Variants in RUNDC3B observed in about 807,000 individuals in gnomAD.
RUNDC3B encodes the protein RUN domain-containing protein 3B.
A neutral mutation model predicts 58.4 loss-of-function variants in RUNDC3B; 33 were observed. That is an observed-to-expected ratio of 0.56 (90% CI 0.43 to 0.75). RUNDC3B has a LOEUF of 0.75. Among genes scored for constraint, RUNDC3B ranks in the 30% least tolerant of loss-of-function variants. RUNDC3B has a pLI of 0.00. For missense variants in RUNDC3B, 501 were observed against 535.7 expected (o/e 0.94, Z 0.64); for synonymous variants, 193 against 195.2 (o/e 0.99, Z 0.10).
At chr7:87,655,096 G>A (rs182816693) in intron 2 of RUNDC3B, among the ~76,000 whole-genome samples, 146 of 152,164 alleles carry the variant, frequency 9.6e-4, no homozygotes, top group African/African-American at 3.4e-3. Flanking sequence ...ATTTAGAACA[G>A]CCATTACAGA....
intron 6 of RUNDC3B, among the ~76,000 whole-genome samples, chr7:87,761,645 G>A (rs1323778582): frequency 6.6e-6 from 1 of 151,996 alleles, no homozygotes; most frequent in East Asian, 1.9e-4. Context: ...CTTAAAATGG[G>A]ATGAAGCGTT....
At position 87,781,652 on chromosome 7, in the gene RUNDC3B, C is replaced by A. The variant is rs562894663; in HGVS notation, c.956+3697C>A. Among the ~76,000 whole-genome samples the A allele has an allele frequency of 3.9e-5, 6 of 152,078 alleles. No individual in the cohort carries two copies. The South Asian group carries it at 1.2e-3, about 32-fold the overall frequency. On this transcript the variant is annotated intron_variant, in intron 8 of 10. Coordinates refer to ENST00000394654, the MANE Select transcript of RUNDC3B (RefSeq NM_001134405.2). ...AGATGGCTCTTGTTATTTTAAGATACATTCCCTCAAAACCTAGTTTTTTGA... is the reference window on the plus strand; with the variant it reads ...AGATGGCTCTTGTTATTTTAAGATAAATTCCCTCAAAACCTAGTTTTTTGA...
chr7:87,747,255 G>T (rs554078587), intron 6 of RUNDC3B, among the ~76,000 whole-genome samples: 125 of 152,230 alleles, frequency 8.2e-4, no homozygotes, highest in African/African-American at 3.0e-3. Flanking sequence ...TCTGGGTCTA[G>T]CCACTCAGTG....
chr7:87,634,873 C>T (rs1821606409), intron 1 of RUNDC3B, among the ~76,000 whole-genome samples: 2 of 152,088 alleles, frequency 1.3e-5, no homozygotes, highest in South Asian at 2.1e-4. Flanking sequence ...TCTAAGGATT[C>T]TTCATGCTCT....
At chr7:87,776,415 A>G (rs1490656686) in intron 7 of RUNDC3B, among the ~76,000 whole-genome samples, 2 of 152,158 alleles carry the variant, frequency 1.3e-5, no homozygotes, top group Non-Finnish European at 2.9e-5. Context: ...ATCAATATAG[A>G]CAAAACATTT....
chr7:87,825,171 G>A (rs189691067), intron 10 of RUNDC3B, among the ~76,000 whole-genome samples: 58 of 151,810 alleles, frequency 3.8e-4, no homozygotes, highest in African/African-American at 1.1e-3. Flanking sequence ...GCAGTGAGCC[G>A]AAATCACACC....
rs1013259350 is a variant in RUNDC3B, at chr7:87,679,154, G to A, written c.239-21267G>A. On this transcript the variant is annotated intron_variant, in intron 2 of 10. Transcript: ENST00000394654. ...TTCCCCCAGGCTGGAGTGCAGTGGC[G>A]CGATCTTGGCTCACTGCAAGCTCCT... 4.3e-4 allele frequency among the ~76,000 whole-genome samples: 59 copies of A among 137,956 alleles called. 2 individuals carry two copies. The highest frequency in any genetic ancestry group is 2.2e-3 in the Admixed American group (28 of 12,876). The allele number at this position is 137,956 out of a possible 152,430, so 90.5% of individuals were successfully genotyped here. A position where few individuals can be genotyped will look rare whatever the true frequency, so the allele number is the denominator to read the frequency against.
At chr7:87,714,194 G>T (rs897636260) in intron 4 of RUNDC3B, among the ~76,000 whole-genome samples, 3 of 152,128 alleles carry the variant, frequency 2.0e-5, no homozygotes, top group Admixed American at 1.3e-4. Context: ...CAATGCAACG[G>T]GGCTCTCTCT....
intron 4 of RUNDC3B, among the ~76,000 whole-genome samples, chr7:87,716,848 A>G (rs1830581461): frequency 6.6e-6 from 1 of 152,140 alleles, no homozygotes; most frequent in Non-Finnish European, 1.5e-5. Context: ...TACTTCTATG[A>G]TTTTTTAAGA....
intron 7 of RUNDC3B, among the ~76,000 whole-genome samples, chr7:87,776,600 G>A (rs1362473404): frequency 2.0e-5 from 3 of 151,848 alleles, no homozygotes; most frequent in African/African-American, 7.3e-5. Context: ...TAAAGTATTG[G>A]TGATTAATCT....
At chr7:87,754,047 G>A (rs1833200628) in intron 6 of RUNDC3B, among the ~76,000 whole-genome samples, 1 of 152,156 alleles carries the variant, frequency 6.6e-6, no homozygotes. Flanking sequence ...GAAGAGTCTT[G>A]CTGGGGATTT....
intron 2 of RUNDC3B, among the ~76,000 whole-genome samples, chr7:87,699,944 T>C (rs1301744028): frequency 6.6e-6 from 1 of 152,184 alleles, no homozygotes; most frequent in Admixed American, 6.5e-5. Context: ...AAACAACACA[T>C]TGTATACCTT....
At chr7:87,646,914 T>C (rs1163268565) in intron 1 of RUNDC3B, among the ~76,000 whole-genome samples, 1 of 152,182 alleles carries the variant, frequency 6.6e-6, no homozygotes, top group Admixed American at 6.5e-5. Context: ...AAACTAACTT[T>C]ATCAGTGTTA....
chr7:87,822,124 A>C (rs1237955768), intron 10 of RUNDC3B, among the ~76,000 whole-genome samples: 1 of 152,192 alleles, frequency 6.6e-6, no homozygotes, highest in African/African-American at 2.4e-5. Context: ...ATGGGAGAAA[A>C]TTTCCGCAAC....
chr7:87,638,905 C>T (rs1563093631), intron 1 of RUNDC3B, among the ~76,000 whole-genome samples: 3 of 152,140 alleles, frequency 2.0e-5, no homozygotes, highest in Non-Finnish European at 4.4e-5. Context: ...GTAATCCCAG[C>T]ACTTTGGGAG....
intron 8 of RUNDC3B, among the ~76,000 whole-genome samples, chr7:87,789,166 T>C (rs183915394): frequency 2.0e-5 from 3 of 152,198 alleles, no homozygotes; most frequent in Non-Finnish European, 2.9e-5. Context: ...CTTGCAAAGC[T>C]TGAACACATT....
intron 8 of RUNDC3B, among the ~76,000 whole-genome samples, chr7:87,788,385 A>C (rs1835335267): frequency 6.6e-6 from 1 of 152,218 alleles, no homozygotes. Flanking sequence ...TCCAAAACAA[A>C]GAGAAAAAGA....
In RUNDC3B at chr7:87,776,161, G is replaced by A. The variant is rs575421106; in HGVS notation, c.799-1637G>A. ...ATATCAGTAGCAGTATCTAGTAAAT[G>A]TGAAGATATGCATGGCCTATATCCT... On this transcript the variant is annotated intron_variant, in intron 7 of 10. Transcript: ENST00000394654. 2.5e-4 allele frequency among the ~76,000 whole-genome samples: 38 copies of A among 152,202 alleles called. No homozygotes were observed. The South Asian group carries it at 3.7e-3, about 15-fold the overall frequency.
At chr7:87,663,926 T>C (rs1365758483) in intron 2 of RUNDC3B, among the ~76,000 whole-genome samples, 3 of 152,262 alleles carry the variant, frequency 2.0e-5, no homozygotes, top group Middle Eastern at 3.4e-3. Flanking sequence ...ATGATCCTAC[T>C]GGATGAAGGC....
Sources: allele counts gnomAD v4.1 joint callset (sites outside exome capture counted in the v4.1 genomes callset), GRCh38; gene constraint gnomAD v4.1.1; transcripts MANE v1.5; gene names NCBI Gene and HGNC (gene_info 2026-07-23, HGNC 2026-07-21).